RNF216: variants seen among roughly 807,000 people sequenced by gnomAD.
The protein encoded by RNF216 is ring finger protein 216, also known as E3 ubiquitin-protein ligase RNF216.
A neutral mutation model predicts 110.8 loss-of-function variants in RNF216; 72 were observed. The ratio of observed to expected loss-of-function variants is 0.65; its 90% confidence interval spans 0.54 to 0.79. The LOEUF (loss-of-function observed/expected upper bound fraction) is 0.79. Ranked by LOEUF, RNF216 falls within the 30% of genes least tolerant of loss-of-function variation. RNF216 has a pLI of 0.00. For synonymous variants in RNF216, 495 were observed against 407.5 expected (o/e 1.21, Z -2.59); for missense variants, 1,342 against 1,141.2 (o/e 1.18, Z -2.54).
chr7:5,722,369 G>GTTTTTTTTTT (rs36102190), intron 8 of RNF216, among the ~76,000 whole-genome samples: 1 of 143,606 alleles, frequency 7.0e-6, no homozygotes. Flanking sequence ...TCATTCTCAT[G>GTTTTTTTTTT]TTTTTTTTTT....
Position 5,624,258 on chromosome 7 carries a change from T to C in RNF216, c.2383-133A>G, listed in dbSNP as rs1197338729. ...AAGCCTGCTGCTGGCCAGTGGGGCC[T>C]GGGCTGCACACCGTTCCTTCCTATT... On this transcript the variant is annotated intron_variant, in intron 15 of 16. Coordinates refer to ENST00000389902, the MANE Select transcript of RNF216 (RefSeq NM_207111.4). This position sits in a 1 kb window ranked among gnomAD's most constrained non-coding sequence, Gnocchi z 4.4. 1 of 688,394 alleles carries C rather than the reference T, an allele frequency of 1.5e-6. No individual in the cohort carries two copies. Among genetic ancestry groups the C allele is most frequent in the East Asian group, 2.7e-5 (1 of 37,288 alleles). The allele number at this position is 688,394 out of a possible 1,614,324, so 42.6% of individuals were successfully genotyped here. A position where few individuals can be genotyped will look rare whatever the true frequency, so the allele number is the denominator to read the frequency against.
At chr7:5,656,829 T>C (rs1218559608) in intron 13 of RNF216, among the ~76,000 whole-genome samples, 4 of 152,180 alleles carry the variant, frequency 2.6e-5, no homozygotes, top group Admixed American at 2.6e-4. Context: ...CCTATCATGA[T>C]GGGAGCTGAA....
intron 13 of RNF216, among the ~76,000 whole-genome samples, chr7:5,701,424 T>C (rs541048170): frequency 4.6e-5 from 7 of 152,142 alleles, no homozygotes; most frequent in African/African-American, 1.7e-4. Context: ...TCTCCGTTCA[T>C]CTCCTGAGGC....
chr7:5,634,175 C>A (rs1373170021), intron 15 of RNF216, among the ~76,000 whole-genome samples: 1 of 152,142 alleles, frequency 6.6e-6, no homozygotes, highest in Non-Finnish European at 1.5e-5. Flanking sequence ...TGGCTGTCCA[C>A]GTGCCTGCTG....
In RNF216 at chr7:5,620,718, C is replaced by G. The variant is rs1159402082; in HGVS notation, c.*2142G>C. On this transcript the variant is annotated 3_prime_UTR_variant, in exon 17 of 17. Transcript: ENST00000389902. ...GGAGAAACATCACTCTGGGCTCCCC[C>G]TCCCCTGCCAGGGTTGAGGCCAGCA... 2 of 152,454 alleles carry G rather than the reference C, an allele frequency of 1.3e-5. No individual in the cohort carries two copies. Among genetic ancestry groups the G allele is most frequent in the Non-Finnish European group, 2.9e-5 (2 of 68,214 alleles). 9.4% of individuals were successfully genotyped at this position (152,454 alleles called of 1,614,324 possible). A position where few individuals can be genotyped will look rare whatever the true frequency, so the allele number is the denominator to read the frequency against.
At chr7:5,662,737 C>G (rs1380552313) in intron 13 of RNF216, among the ~76,000 whole-genome samples, 1 of 152,126 alleles carries the variant, frequency 6.6e-6, no homozygotes, top group Non-Finnish European at 1.5e-5. Flanking sequence ...TAACTGTATA[C>G]TCTGAGGAAG....
chr7:5,698,804 C>T (rs888672359), intron 13 of RNF216, among the ~76,000 whole-genome samples: 1 of 152,316 alleles, frequency 6.6e-6, no homozygotes, highest in Non-Finnish European at 1.5e-5. Context: ...CACAGGAAAC[C>T]TTCCCTCCTC....
chr7:5,708,306 C>T (rs1468760198), intron 13 of RNF216, among the ~76,000 whole-genome samples: 1 of 152,148 alleles, frequency 6.6e-6, no homozygotes, highest in Non-Finnish European at 1.5e-5. Flanking sequence ...CCTGGTGGTG[C>T]TAACAATGAT....
intron 14 of RNF216, among the ~76,000 whole-genome samples, chr7:5,648,692 C>A (rs1220458516): frequency 1.4e-5 from 2 of 146,734 alleles, no homozygotes; most frequent in African/African-American, 2.6e-5. Flanking sequence ...AGCGCCACTG[C>A]ATTCCAGCCT....
intron 14 of RNF216, among the ~76,000 whole-genome samples, chr7:5,647,053 G>A (rs1316903914): frequency 6.6e-6 from 1 of 151,952 alleles, no homozygotes; most frequent in Non-Finnish European, 1.5e-5. Context: ...GCTGGTACAT[G>A]CCTCCAAATG....
rs1332229875 is a variant in RNF216, at chr7:5,655,212, C to T, written c.2062-2702G>A. Among the ~76,000 whole-genome samples, 5 of 152,182 alleles carry T rather than the reference C, an allele frequency of 3.3e-5. No individual in the cohort carries two copies. The East Asian group carries it at 5.8e-4, about 18-fold the overall frequency. ...GGTGCATGTGAGGGCCACTGTGAGG[C>T]CCTCTGCTCTGCTCACCCTCTACGT... On this transcript the variant is annotated intron_variant, in intron 13 of 16. Coordinates refer to ENST00000389902, the MANE Select transcript of RNF216 (RefSeq NM_207111.4).
chr7:5,647,187 TAGG>T (rs1462069744), intron 14 of RNF216, among the ~76,000 whole-genome samples: 1 of 151,926 alleles, frequency 6.6e-6, no homozygotes. Context: ...TGGTGGGAGA[TAGG>T]AGTTTTTGGA....
Position 5,620,856 on chromosome 7 carries a change from C to T in RNF216, c.*2004G>A, listed in dbSNP as rs1786309898. On this transcript the variant is annotated 3_prime_UTR_variant, in exon 17 of 17. Transcript: ENST00000389902. ...CAGAGGGAGCTGAGGCTCCCAGGGCCTGAGGTCACCTCTTCAGCTGTGATG... is the reference window on the plus strand; with the variant it reads ...CAGAGGGAGCTGAGGCTCCCAGGGCTTGAGGTCACCTCTTCAGCTGTGATG... 1 of 152,298 alleles carries T rather than the reference C, an allele frequency of 6.6e-6. No individual in the cohort carries two copies. The highest frequency in any genetic ancestry group is 6.5e-5 in the Admixed American group (1 of 15,284). The allele number at this position is 152,298 out of a possible 1,614,324, so 9.4% of individuals were successfully genotyped here.
At chr7:5,751,219 A>C (rs897820457) in intron 3 of RNF216, among the ~76,000 whole-genome samples, 2 of 152,204 alleles carry the variant, frequency 1.3e-5, no homozygotes, top group Admixed American at 1.3e-4. Context: ...TAATGAGGAC[A>C]CCAGAACCTA....
chr7:5,671,012 T>A (rs1584419461), intron 13 of RNF216, among the ~76,000 whole-genome samples: 1 of 152,236 alleles, frequency 6.6e-6, no homozygotes, highest in Non-Finnish European at 1.5e-5. Context: ...GGCAGCCTGC[T>A]CTGATGTTGC....
At chr7:5,731,242 G>T (rs1794071748) in intron 5 of RNF216, among the ~76,000 whole-genome samples, 1 of 150,828 alleles carries the variant, frequency 6.6e-6, no homozygotes, top group South Asian at 2.1e-4. Context: ...GCTAAGAGAT[G>T]TAATAAATGA....
chr7:5,653,625 GAATT>G (rs1788541794), intron 13 of RNF216, among the ~76,000 whole-genome samples: 1 of 94,358 alleles, frequency 1.1e-5, no homozygotes, highest in South Asian at 3.7e-4. Context: ...AAAAAAAAAA[GAATT>G]AAAAAAAAAT....
At chr7:5,702,379 G>A (rs1244370291) in intron 13 of RNF216, among the ~76,000 whole-genome samples, 1 of 152,134 alleles carries the variant, frequency 6.6e-6, no homozygotes, top group African/African-American at 2.4e-5. Context: ...GGGCCAAGCA[G>A]AAACAAAAAT....
chr7:5,701,822 G>A (rs905623965), intron 13 of RNF216, among the ~76,000 whole-genome samples: 6 of 152,046 alleles, frequency 3.9e-5, no homozygotes, highest in Non-Finnish European at 8.8e-5. Flanking sequence ...CTCACGTAAG[G>A]GCTTCAAAAG....
Sources: gnomAD v4.1 joint callset for allele counts (sites outside exome capture counted in the v4.1 genomes callset) on GRCh38, gnomAD v4.1.1 for gene constraint, Gnocchi (gnomAD v3.1) non-coding constraint, MANE v1.5 for transcripts, NCBI Gene and HGNC (gene_info 2026-07-23, HGNC 2026-07-21) for gene names.